The following AUTS2 variants were observed in gnomAD, a reference collection of about 807,000 sequenced individuals.
AUTS2 encodes autism susceptibility gene 2 protein.
AUTS2 carries 17 observed loss-of-function variants against 112.4 expected under a neutral mutation model. The ratio of observed to expected loss-of-function variants is 0.15; its 90% confidence interval spans 0.10 to 0.23. AUTS2 has a LOEUF of 0.23. Among genes scored for constraint, AUTS2 ranks in the 10% least tolerant of loss-of-function variants. AUTS2 has a pLI of 1.00. For missense variants in AUTS2, 1,510 were observed against 1,701.6 expected (o/e 0.89, Z 1.98); for synonymous variants, 751 against 702.7 (o/e 1.07, Z -1.09).
At chr7:69,609,264 C>T (rs1792893124) in intron 1 of AUTS2, among the ~76,000 whole-genome samples, 1 of 152,160 alleles carries the variant, frequency 6.6e-6, no homozygotes, top group Non-Finnish European at 1.5e-5. Flanking sequence ...AAAAGTCTTA[C>T]TACAAATGTG....
chr7:69,795,118 A>G (rs1044179387), intron 1 of AUTS2, among the ~76,000 whole-genome samples: 2 of 152,214 alleles, frequency 1.3e-5, no homozygotes, highest in African/African-American at 4.8e-5. Context: ...AAGTGCTTAG[A>G]AAATGCCTGG....
chr7:70,253,211 A>G (rs1786691070), intron 4 of AUTS2, among the ~76,000 whole-genome samples: 1 of 152,164 alleles, frequency 6.6e-6, no homozygotes, highest in African/African-American at 2.4e-5. Context: ...TTATGGCATA[A>G]CAAGATGTCA....
intron 4 of AUTS2, among the ~76,000 whole-genome samples, chr7:70,235,449 T>G (rs1672065928): frequency 6.6e-6 from 1 of 152,156 alleles, no homozygotes; most frequent in Admixed American, 6.5e-5. Flanking sequence ...AAAGTTGTTT[T>G]AAGCTTATTG....
chr7:70,104,905 A>G (rs1804689163), intron 2 of AUTS2, among the ~76,000 whole-genome samples: 1 of 152,146 alleles, frequency 6.6e-6, no homozygotes. Flanking sequence ...TATTAAACAG[A>G]GCTGGTTTAA....
At chr7:70,540,562 G>C (rs1415159745) in intron 5 of AUTS2, among the ~76,000 whole-genome samples, 1 of 152,166 alleles carries the variant, frequency 6.6e-6, no homozygotes, top group Non-Finnish European at 1.5e-5. Context: ...GAGCAGTCAA[G>C]CCTTCCTGGA....
rs559109719 is a variant in AUTS2 at position 70,301,085 on chromosome 7, ATTCT to A, written c.661-134664_661-134661del. Among the ~76,000 whole-genome samples the A allele has an allele frequency of 2.0e-4, 31 of 152,326 alleles. No homozygotes were observed. In the East Asian group the frequency reaches 4.6e-3, roughly 23 times the overall value. ...ATTCTATATTTCTTTCTTAAAATAA[ATTCT>A]TTATATGAGCATTTAGACCATAATT... On this transcript the variant is annotated intron_variant, in intron 4 of 18. Coordinates refer to ENST00000342771, the MANE Select transcript of AUTS2 (RefSeq NM_015570.4).
intron 4 of AUTS2, among the ~76,000 whole-genome samples, chr7:70,165,232 A>G (rs191944408): frequency 9.8e-4 from 149 of 152,322 alleles, no homozygotes; most frequent in Non-Finnish European, 1.7e-3. Flanking sequence ...ACCGCCTAAC[A>G]TACTTCAAGA....
At chr7:70,781,778 G>A in intron 15 of AUTS2, 22 bp downstream of exon 15, 1 of 1,611,402 alleles carries the variant, frequency 6.2e-7, no homozygotes, top group Non-Finnish European at 8.5e-7. Context: ...TTTGGGTGGG[G>A]GGACAGAGCT....
intron 1 of AUTS2, among the ~76,000 whole-genome samples, chr7:69,627,073 C>A (rs1793989461): frequency 6.6e-6 from 1 of 152,160 alleles, no homozygotes; most frequent in Non-Finnish European, 1.5e-5. Context: ...ACATTTGTTT[C>A]ATTCATTCAT....
At chr7:69,775,391 C>A (rs1788848394) in intron 1 of AUTS2, among the ~76,000 whole-genome samples, 1 of 152,140 alleles carries the variant, frequency 6.6e-6, no homozygotes, top group Non-Finnish European at 1.5e-5. Flanking sequence ...TAGGCCTCTC[C>A]CATTGGCCTC....
chr7:70,790,801 C>T lies in AUTS2; in HGVS notation c.3585C>T (p.Pro1195=). Residue 1195 remains proline (P), a synonymous_variant, in exon 19 of 19, where the codon CCC becomes CCT. Coordinates refer to ENST00000342771, the MANE Select transcript of AUTS2 (RefSeq NM_015570.4). This position sits in a 1 kb window ranked among gnomAD's most constrained non-coding sequence, Gnocchi z 7.6. ...CGGGACTCCCCAGCATGCACTATCC[C>T]CGCATCAGCCCCACCGCGGGCAACC... is the stretch of plus-strand genomic sequence containing the variant. The part of the protein sequence containing the change: ...ITPGLPSMHY[P]RISPTAGNQN... The T allele has an allele frequency of 6.2e-7, 1 of 1,608,912 alleles. No homozygotes were observed. The highest frequency in any genetic ancestry group is 1.7e-5 in the Admixed American group (1 of 59,798).
intron 2 of AUTS2, among the ~76,000 whole-genome samples, chr7:70,043,902 C>T (rs1250531887): frequency 6.6e-6 from 1 of 151,978 alleles, no homozygotes; most frequent in Non-Finnish European, 1.5e-5. Flanking sequence ...AGCCACTGGG[C>T]CCGGCCTCCC....
chr7:70,102,147 C>A lies in AUTS2; in HGVS notation c.523-15985C>A, dbSNP rs188877218. The stretch of plus-strand genomic sequence containing the variant: ...TTTTTTTTTTTTTTTGAGACAGAGT[C>A]TCGCACTTTCGCCCAGGCTGGAGTG... On this transcript the variant is annotated intron_variant, in intron 2 of 18. Transcript: ENST00000342771. 6.4e-3 allele frequency among the ~76,000 whole-genome samples: 853 copies of A among 133,044 alleles called. 8 individuals are homozygous for A. Among genetic ancestry groups the A allele is most frequent in the African/African-American group, 0.022 (800 of 35,612 alleles). 87.3% of individuals were successfully genotyped at this position (133,044 alleles called of 152,430 possible). A position where few individuals can be genotyped will look rare whatever the true frequency, so the allele number is the denominator to read the frequency against.
At chr7:70,641,276 G>A (rs183706694) in intron 5 of AUTS2, among the ~76,000 whole-genome samples, 68 of 152,250 alleles carry the variant, frequency 4.5e-4, no homozygotes, top group East Asian at 1.5e-3. Context: ...TTCGCCAGGC[G>A]CGGTGGCTCA....
chr7:70,767,642 C>T (rs1257708661), intron 9 of AUTS2, among the ~76,000 whole-genome samples: 1 of 152,062 alleles, frequency 6.6e-6, no homozygotes, highest in African/African-American at 2.4e-5. Context: ...AGTTTTTCTG[C>T]CAAAGTGAAG....
At chr7:69,654,527 C>T (rs1443203537) in intron 1 of AUTS2, among the ~76,000 whole-genome samples, 1 of 152,192 alleles carries the variant, frequency 6.6e-6, no homozygotes, top group African/African-American at 2.4e-5. Context: ...CATTGTCTGT[C>T]TTCAATTTGC....
At chr7:70,489,511 G>C (rs1389910247) in intron 5 of AUTS2, among the ~76,000 whole-genome samples, 1 of 152,228 alleles carries the variant, frequency 6.6e-6, no homozygotes, top group Non-Finnish European at 1.5e-5. Flanking sequence ...CAAAGCCGTA[G>C]AGAGACGACA....
At chr7:70,747,865 A>G (rs1158002180) in intron 6 of AUTS2, among the ~76,000 whole-genome samples, 1 of 151,142 alleles carries the variant, frequency 6.6e-6, no homozygotes, top group Non-Finnish European at 1.5e-5. Flanking sequence ...TCTGTCGCCC[A>G]GGCTGGAGTG....
intron 4 of AUTS2, among the ~76,000 whole-genome samples, chr7:70,258,548 G>T (rs1787001779): frequency 6.6e-6 from 1 of 152,164 alleles, no homozygotes; most frequent in African/African-American, 2.4e-5. Flanking sequence ...CCTTGTCCAT[G>T]TGTGAGGCAA....
Sources: allele counts gnomAD v4.1 joint callset (sites outside exome capture counted in the v4.1 genomes callset), GRCh38; gene constraint gnomAD v4.1.1; non-coding constraint Gnocchi (gnomAD v3.1); transcripts MANE v1.5; gene names NCBI Gene and HGNC (gene_info 2026-07-23, HGNC 2026-07-21).